The following RTN4 variants were observed in gnomAD, a reference collection of about 807,000 sequenced individuals.
The protein encoded by RTN4 is reticulon-4.
RTN4 carries 32 observed loss-of-function variants against 90.4 expected under a neutral mutation model. The ratio of observed to expected loss-of-function variants is 0.35; its 90% CI spans 0.27 to 0.48. RTN4 has a LOEUF of 0.48. RTN4 is among the 20% of genes least tolerant of loss of function. The pLI is 0.99. For missense variants in RTN4, 1,706 were observed against 1,430.2 expected, an observed-to-expected ratio of 1.19 and a Z score of -3.11; for synonymous variants, 629 against 552.5, an observed-to-expected ratio of 1.14 and a Z score of -1.94.
intron 1 of RTN4, among the ~76,000 whole-genome samples, chr2:55,087,351 G>T (rs1668859871): frequency 6.6e-6 from 1 of 152,186 alleles, no homozygotes; most frequent in African/African-American, 2.4e-5. Flanking sequence ...GAGATTTCCA[G>T]TTGTTCCACT....
chr2:55,035,161 C>T (rs1558835308), intron 1 of RTN4, among the ~76,000 whole-genome samples: 1 of 152,096 alleles, frequency 6.6e-6, no homozygotes, highest in Non-Finnish European at 1.5e-5. Flanking sequence ...ATGATTTAGG[C>T]CCCACTACCA....
chr2:55,111,709 G>C (rs575987987), intron 1 of RTN4, among the ~76,000 whole-genome samples: 1 of 152,284 alleles, frequency 6.6e-6, no homozygotes, highest in South Asian at 2.1e-4. Flanking sequence ...CGAAATCGAA[G>C]CCCAACTGTA....
chr2:54,978,493 A>C (rs140550689), intron 5 of RTN4, among the ~76,000 whole-genome samples: 1 of 151,798 alleles, frequency 6.6e-6, no homozygotes, highest in African/African-American at 2.4e-5. Flanking sequence ...AAAAATGTAG[A>C]TATAAATTTG....
At chr2:54,982,031 C>G (rs962780474) in intron 5 of RTN4, among the ~76,000 whole-genome samples, 3 of 151,916 alleles carry the variant, frequency 2.0e-5, no homozygotes, top group Middle Eastern at 3.4e-3. Flanking sequence ...CTCAGCTCAC[C>G]GAAACCTCTG....
chr2:55,013,611 G>GTT (rs1558803902), intron 3 of RTN4, among the ~76,000 whole-genome samples: 8 of 117,452 alleles, frequency 6.8e-5, no homozygotes, highest in African/African-American at 1.0e-4. Context: ...TTTTTTTTGG[G>GTT]GGGGGGGGAG....
intron 3 of RTN4, among the ~76,000 whole-genome samples, chr2:55,006,644 C>T (rs1349286234): frequency 6.6e-6 from 1 of 152,130 alleles, no homozygotes; most frequent in African/African-American, 2.4e-5. Flanking sequence ...TCAAAGATTA[C>T]CTCTGGCACA....
Position 55,050,397 on chromosome 2 carries a change from G to C in RTN4, c.-97C>G. 1.5e-6 allele frequency: 1 copy of C among 687,424 alleles called. No homozygotes were observed. The highest frequency in any genetic ancestry group is 2.2e-6 in the Non-Finnish European group (1 of 460,202). 42.6% of individuals were successfully genotyped at this position (687,424 alleles called of 1,614,324 possible). A position where few individuals can be genotyped will look rare whatever the true frequency, so the allele number is the denominator to read the frequency against. ...TTGTGGGGGTTGGGGAGGACTGAGA[G>C]GGGCTGGGCCGACTGAGCCGAGGGA... is the stretch of plus-strand genomic sequence containing the variant. On this transcript the variant is annotated 5_prime_UTR_variant, in exon 1 of 9. Coordinates refer to ENST00000337526, the MANE Select transcript of RTN4 (RefSeq NM_020532.5). This position sits in a 1 kb window ranked among gnomAD's most constrained non-coding sequence, Gnocchi z 4.6.
chr2:55,129,722 C>A, the RTN4 span, among the ~76,000 whole-genome samples: 1 of 152,126 alleles, frequency 6.6e-6, no homozygotes, highest in South Asian at 2.1e-4. Context: ...CCACCACACC[C>A]AGCTAATTTT....
intron 5 of RTN4, among the ~76,000 whole-genome samples, chr2:54,980,799 A>T (rs1412328461): frequency 1.3e-5 from 2 of 152,160 alleles, no homozygotes; most frequent in Non-Finnish European, 2.9e-5. Flanking sequence ...CCCACAAACC[A>T]TCCATCTTAA....
At chr2:55,069,557 C>G (rs2105014488) in intron 2 of RTN4, among the ~76,000 whole-genome samples, 1 of 152,286 alleles carries the variant, frequency 6.6e-6, no homozygotes, top group Middle Eastern at 3.4e-3. Flanking sequence ...TAATTGTTCA[C>G]CCTCCTTTCA....
intron 3 of RTN4, among the ~76,000 whole-genome samples, chr2:54,993,858 G>A (rs1679215961): frequency 6.6e-6 from 1 of 151,900 alleles, no homozygotes; most frequent in Non-Finnish European, 1.5e-5. Flanking sequence ...CACCTGAGAG[G>A]CAATCTACAC....
At chr2:55,101,045 T>A (rs1667844231) in intron 1 of RTN4, among the ~76,000 whole-genome samples, 1 of 152,088 alleles carries the variant, frequency 6.6e-6, no homozygotes, top group Non-Finnish European at 1.5e-5. Context: ...CCACTAAAAT[T>A]ATAAAATGTA....
At chr2:54,998,463 A>G (rs1446670596) in intron 3 of RTN4, among the ~76,000 whole-genome samples, 4 of 152,192 alleles carry the variant, frequency 2.6e-5, no homozygotes, top group Non-Finnish European at 4.4e-5. Context: ...ACTAATTCTA[A>G]TTGATTTATT....
chr2:55,122,619 T>C, the RTN4 span, among the ~76,000 whole-genome samples: 5 of 152,156 alleles, frequency 3.3e-5, no homozygotes, highest in Non-Finnish European at 7.3e-5. Context: ...CACACATGGG[T>C]CAGTCCTATG....
At chr2:55,050,749 G>C (rs1668064320), upstream of RTN4, 1 of 153,070 alleles carries the variant, frequency 6.5e-6, no homozygotes, top group Admixed American at 6.5e-5. This position sits in a 1 kb window ranked among gnomAD's most constrained non-coding sequence, Gnocchi z 4.6. Context: ...GCGGGGCTGA[G>C]AGCTGGGAGC....
the RTN4 span, among the ~76,000 whole-genome samples, chr2:55,136,306 G>A: frequency 2.0e-5 from 3 of 152,096 alleles, no homozygotes; most frequent in Non-Finnish European, 4.4e-5. Flanking sequence ...CTGTGCACAC[G>A]GCCCCTTCCA....
At chr2:55,030,683 C>A (rs982129955) in intron 1 of RTN4, among the ~76,000 whole-genome samples, 1 of 152,112 alleles carries the variant, frequency 6.6e-6, no homozygotes, top group African/African-American at 2.4e-5. Flanking sequence ...GCCAGAGGGT[C>A]AAAACATCTA....
At chr2:55,064,846 G>A (rs1006267145) in intron 2 of RTN4, among the ~76,000 whole-genome samples, 2 of 152,082 alleles carry the variant, frequency 1.3e-5, no homozygotes, top group African/African-American at 4.8e-5. Flanking sequence ...TAAATTATGT[G>A]ATTAACTAAA....
At chr2:55,109,335 T>C (rs1253524228) in intron 1 of RTN4, among the ~76,000 whole-genome samples, 1 of 152,126 alleles carries the variant, frequency 6.6e-6, no homozygotes, top group Non-Finnish European at 1.5e-5. Context: ...GAAATGTCAA[T>C]GCTGATAATA....
Sources: gnomAD v4.1 joint callset for allele counts (sites outside exome capture counted in the v4.1 genomes callset) on GRCh38, gnomAD v4.1.1 for gene constraint, Gnocchi (gnomAD v3.1) non-coding constraint, MANE v1.5 for transcripts, NCBI Gene and HGNC (gene_info 2026-07-23, HGNC 2026-07-21) for gene names.